CTTNBP2NL: variants seen among roughly 807,000 people sequenced by gnomAD.
CTTNBP2NL encodes CTTNBP2 N-terminal-like protein.
CTTNBP2NL carries 16 observed loss-of-function variants against 32.5 expected under a neutral mutation model. That is an observed-to-expected ratio of 0.49 (90% CI 0.33 to 0.75). The LOEUF (loss-of-function observed/expected upper bound fraction) is 0.75. CTTNBP2NL is among the 30% of genes least tolerant of loss of function. The pLI is 0.02. For synonymous variants in CTTNBP2NL, 298 were observed against 289.4 expected (o/e 1.03, Z -0.30); for missense variants, 645 against 756.0 (o/e 0.85, Z 1.72).
At chr1:112,426,249 T>C (rs1257109797) in intron 3 of CTTNBP2NL, among the ~76,000 whole-genome samples, 2 of 152,156 alleles carry the variant, frequency 1.3e-5, no homozygotes, top group Non-Finnish European at 2.9e-5. Flanking sequence ...AATTTTTATG[T>C]CCTTGTTGTG....
At chr1:112,392,748 C>T (rs770222924), upstream of CTTNBP2NL, among the ~76,000 whole-genome samples, 4 of 152,084 alleles carry the variant, frequency 2.6e-5, no homozygotes, top group South Asian at 4.1e-4. Context: ...TGTAGTTACA[C>T]GCCAATGATC....
chr1:112,398,520 C>G (rs1261459209), intron 1 of CTTNBP2NL, among the ~76,000 whole-genome samples: 1 of 152,094 alleles, frequency 6.6e-6, no homozygotes, highest in East Asian at 1.9e-4. Flanking sequence ...AGGCAATGTA[C>G]TGATTAGATT....
intron 3 of CTTNBP2NL, among the ~76,000 whole-genome samples, chr1:112,436,315 A>G (rs576317597): frequency 1.3e-5 from 2 of 152,312 alleles, no homozygotes; most frequent in African/African-American, 4.8e-5. Flanking sequence ...GCCAAAACAG[A>G]GTCTTAGAGG....
At chr1:112,427,269 G>A (rs539002024) in intron 3 of CTTNBP2NL, among the ~76,000 whole-genome samples, 7 of 152,136 alleles carry the variant, frequency 4.6e-5, no homozygotes, top group East Asian at 1.9e-4. Context: ...ATTTTTTCTC[G>A]TTAATCTGGG....
intron 3 of CTTNBP2NL, among the ~76,000 whole-genome samples, chr1:112,427,572 T>C (rs1405192409): frequency 1.3e-5 from 2 of 152,166 alleles, no homozygotes; most frequent in African/African-American, 2.4e-5. Flanking sequence ...GATAACATAG[T>C]TATTTTGATC....
intron 3 of CTTNBP2NL, among the ~76,000 whole-genome samples, chr1:112,433,794 T>C (rs1316259773): frequency 1.3e-5 from 2 of 152,234 alleles, no homozygotes; most frequent in Non-Finnish European, 2.9e-5. Context: ...TTTTTATAAT[T>C]ACTATGCCTT....
chr1:112,452,670 T>A (rs1288436894), intron 4 of CTTNBP2NL, among the ~76,000 whole-genome samples: 1 of 145,508 alleles, frequency 6.9e-6, no homozygotes, highest in Non-Finnish European at 1.5e-5. Context: ...AGACAAAGTC[T>A]CACTCCGTTG....
At chr1:112,449,868 C>T (rs1650168093) in intron 4 of CTTNBP2NL, among the ~76,000 whole-genome samples, 1 of 152,038 alleles carries the variant, frequency 6.6e-6, no homozygotes, top group Admixed American at 6.6e-5. Context: ...GTTTCCATTT[C>T]TAACAAGCCC....
intron 1 of CTTNBP2NL, among the ~76,000 whole-genome samples, chr1:112,405,048 CAA>C (rs1648619319): frequency 6.6e-6 from 1 of 151,934 alleles, no homozygotes; most frequent in African/African-American, 2.4e-5. Flanking sequence ...GGCTGGGCAA[CAA>C]GAGCAAAACT....
intron 3 of CTTNBP2NL, among the ~76,000 whole-genome samples, chr1:112,447,166 T>C (rs1014054187): frequency 1.1e-4 from 16 of 150,624 alleles, no homozygotes; most frequent in African/African-American, 2.7e-4. Context: ...CCCAGCTACT[T>C]GGGAGGCTGA....
chr1:112,449,234 T>C, intron 4 of CTTNBP2NL, 62 bp downstream of exon 4: 4 of 964,652 alleles, frequency 4.1e-6, no homozygotes, highest in Non-Finnish European at 6.3e-6. Context: ...TGCCTGATAC[T>C]TTCTTGTCAG....
chr1:112,432,564 C>G (rs778196168), intron 3 of CTTNBP2NL, among the ~76,000 whole-genome samples: 2 of 151,802 alleles, frequency 1.3e-5, no homozygotes, highest in Non-Finnish European at 2.9e-5. Flanking sequence ...ATAAGACATT[C>G]TTCTTTTCTT....
At position 112,456,843 on chromosome 1, in the gene CTTNBP2NL, T is replaced by C. The variant is rs760548309; in HGVS notation, c.1351T>C (p.Tyr451His). The C allele has an allele frequency of 6.2e-7, 1 of 1,614,018 alleles. No individual in the cohort carries two copies. Among genetic ancestry groups the C allele is most frequent in the African/African-American group, 1.3e-5 (1 of 74,912 alleles). ...TAGCAGCCCTGGCTACCAGTCATCG[T>C]ACCAAGTAGGGATCAACCAACGGTT... ...SASSPGYQSS[Y>H]QVGINQRFHA... is the part of the protein sequence containing the mutation. The change falls in exon 6 of 6, where the codon TAC becomes CAC. Residue 451 changes from tyrosine (Y) to histidine (H), a missense_variant. Transcript: ENST00000271277.
chr1:112,439,649 A>G (rs1220507806), intron 3 of CTTNBP2NL, among the ~76,000 whole-genome samples: 6 of 152,168 alleles, frequency 3.9e-5, no homozygotes, highest in South Asian at 2.1e-4. Context: ...AGGTTTTTCA[A>G]GTTCATAGGG....
intron 1 of CTTNBP2NL, among the ~76,000 whole-genome samples, chr1:112,405,353 A>G (rs751181154): frequency 3.3e-5 from 5 of 152,164 alleles, no homozygotes; most frequent in Non-Finnish European, 7.4e-5. Flanking sequence ...GCTGTAGTGC[A>G]GTGGTGCAAT....
At chr1:112,413,307 C>T (rs1250891092) in intron 2 of CTTNBP2NL, among the ~76,000 whole-genome samples, 1 of 152,204 alleles carries the variant, frequency 6.6e-6, no homozygotes, top group Non-Finnish European at 1.5e-5. Context: ...AAAAGGGCAA[C>T]TGAAGTTATT....
intron 1 of CTTNBP2NL, among the ~76,000 whole-genome samples, chr1:112,410,458 C>T (rs1486662928): frequency 2.0e-5 from 3 of 150,022 alleles, no homozygotes; most frequent in African/African-American, 7.3e-5. Flanking sequence ...ATTAAAATAT[C>T]TTTTTTAAAA....
intron 3 of CTTNBP2NL, among the ~76,000 whole-genome samples, chr1:112,445,101 C>T (rs1649999333): frequency 6.6e-6 from 1 of 152,236 alleles, no homozygotes; most frequent in South Asian, 2.1e-4. Flanking sequence ...CCTACGCCAA[C>T]AGTCATGTGA....
chr1:112,421,609 A>G (rs1255662759), intron 3 of CTTNBP2NL, among the ~76,000 whole-genome samples: 2 of 143,304 alleles, frequency 1.4e-5, no homozygotes, highest in Non-Finnish European at 3.0e-5. Context: ...CAAGACCCCC[A>G]TTTCTACAAA....
Sources: gnomAD v4.1 joint callset for allele counts (sites outside exome capture counted in the v4.1 genomes callset) on GRCh38, gnomAD v4.1.1 for gene constraint, MANE v1.5 for transcripts, NCBI Gene and HGNC (gene_info 2026-07-23, HGNC 2026-07-21) for gene names.